CBX5: variants seen among roughly 807,000 people sequenced by gnomAD.
CBX5 encodes the protein chromobox 5, also known as chromobox protein homolog 5.
CBX5 carries 7 observed loss-of-function variants against 20.7 expected under a neutral mutation model. The observed-to-expected ratio is 0.34, with a 90% CI of 0.19 to 0.63. The LOEUF is 0.63. CBX5 is among the 30% of genes least tolerant of loss of function. The pLI, the probability that CBX5 is intolerant of heterozygous loss-of-function variation, is 0.75. For missense variants in CBX5, 110 were observed against 224.1 expected (o/e 0.49, Z 3.25); for synonymous variants, 78 against 77.0 (o/e 1.01, Z -0.07).
chr12:54,248,967 G>A (rs1943765180), intron 3 of CBX5, among the ~76,000 whole-genome samples: 2 of 152,274 alleles, frequency 1.3e-5, no homozygotes, highest in South Asian at 4.1e-4. Context: ...TGATGTAAGG[G>A]ACATGTGGGG....
At chr12:54,270,872 C>T (rs970209534) in intron 1 of CBX5, among the ~76,000 whole-genome samples, 2 of 151,902 alleles carry the variant, frequency 1.3e-5, no homozygotes, top group South Asian at 2.1e-4. Flanking sequence ...GGCAACATAA[C>T]GAGACCCTGT....
At chr12:54,273,425 A>T (rs890277682) in intron 1 of CBX5, 14 of 152,230 alleles carry the variant, frequency 9.2e-5, no homozygotes, top group African/African-American at 3.4e-4. Context: ...ACTGGGTGAC[A>T]AAGCGAGACT....
rs1458702410 is a variant in CBX5, at chr12:54,232,445, G to T, written c.*9310C>A. The T allele has an allele frequency of 6.6e-6, 1 of 152,190 alleles. No homozygotes were observed. Among genetic ancestry groups the T allele is most frequent in the African/African-American group, 2.4e-5 (1 of 41,416 alleles). The allele number at this position is 152,190 out of a possible 1,614,324, so 9.4% of individuals were successfully genotyped here. On this transcript the variant is annotated 3_prime_UTR_variant, in exon 5 of 5. Transcript: ENST00000209875. Reference sequence around the variant, plus strand: ...TACAATGCCTCACAACAACACCCCTGTGAGGTAGGTCAGTATTATTAACCC... The same window carrying T: ...TACAATGCCTCACAACAACACCCCTTTGAGGTAGGTCAGTATTATTAACCC...
chr12:54,275,002 C>G (rs566957306), intron 1 of CBX5, among the ~76,000 whole-genome samples: 1 of 152,156 alleles, frequency 6.6e-6, no homozygotes, highest in Non-Finnish European at 1.5e-5. Context: ...ATCTTTGTAC[C>G]CTGATACCAA....
intron 1 of CBX5, among the ~76,000 whole-genome samples, chr12:54,259,939 G>C (rs954825446): frequency 1.3e-5 from 2 of 152,006 alleles, no homozygotes; most frequent in Non-Finnish European, 2.9e-5. Flanking sequence ...TCTACAACAC[G>C]ATCAGTACAA....
At position 54,247,918 on chromosome 12, in the gene CBX5, G is replaced by A. The variant is rs541926505; in HGVS notation, c.325-1703C>T. On this transcript the variant is annotated intron_variant, in intron 3 of 4. Transcript: ENST00000209875. ...TGCAGTGCCACAATCTCAGCTCACT[G>A]CAACCTCTGCCTCCTAGATTCAAGC... is the stretch of plus-strand genomic sequence containing the variant. Among the ~76,000 whole-genome samples the A allele has an allele frequency of 8.7e-5, 13 of 149,722 alleles. No individual in the cohort carries two copies. The Middle Eastern group carries it at 0.017, about 200-fold the overall frequency.
At position 54,239,729 on chromosome 12, in the gene CBX5, T is replaced by G. The variant is rs1943657133; in HGVS notation, c.*2026A>C. 1 of 151,974 alleles carries G rather than the reference T, an allele frequency of 6.6e-6. No homozygotes were observed. The highest frequency in any genetic ancestry group is 1.5e-5 in the Non-Finnish European group (1 of 68,040). The allele number at this position is 151,974 out of a possible 1,614,324, so 9.4% of individuals were successfully genotyped here. A position where few individuals can be genotyped will look rare whatever the true frequency, so the allele number is the denominator to read the frequency against. On this transcript the variant is annotated 3_prime_UTR_variant, in exon 5 of 5. Coordinates refer to ENST00000209875, the MANE Select transcript of CBX5 (RefSeq NM_012117.3). ...AGCTCTTGCCCAATCACATTACCAT[T>G]CAGAAGGATTTTCCTGGCTGACTTA...
At chr12:54,263,778 A>G (rs1353947507) in intron 1 of CBX5, among the ~76,000 whole-genome samples, 4 of 150,132 alleles carry the variant, frequency 2.7e-5, no homozygotes, top group South Asian at 2.1e-4. Context: ...AAAAAAAAAA[A>G]AAAAAGAAAA....
chr12:54,246,982 A>AT (rs1015979435), intron 3 of CBX5, among the ~76,000 whole-genome samples: 2 of 152,002 alleles, frequency 1.3e-5, no homozygotes, highest in African/African-American at 4.8e-5. Flanking sequence ...CTCAATCTTT[A>AT]TTTTTTTAGA....
Position 54,236,476 on chromosome 12 carries a change from G to A in CBX5, c.*5279C>T, listed in dbSNP as rs1943623858. 1 of 152,170 alleles carries A rather than the reference G, an allele frequency of 6.6e-6. No individual in the cohort carries two copies. Among genetic ancestry groups the A allele is most frequent in the African/African-American group, 2.4e-5 (1 of 41,438 alleles). 9.4% of individuals were successfully genotyped at this position (152,170 alleles called of 1,614,324 possible). On this transcript the variant is annotated 3_prime_UTR_variant, in exon 5 of 5. Coordinates refer to ENST00000209875, the MANE Select transcript of CBX5 (RefSeq NM_012117.3). ...TCTAATTCAGAACATGTTTTTGGGT[G>A]TAAGGCTAGTATCATCTACTTTTGA...
intron 1 of CBX5, chr12:54,276,810 C>T (rs1388436277): frequency 6.6e-6 from 1 of 152,110 alleles, no homozygotes; most frequent in African/African-American, 2.4e-5. Flanking sequence ...AATGTGTGTA[C>T]AGGATTAGTG....
intron 4 of CBX5, among the ~76,000 whole-genome samples, chr12:54,243,791 C>T (rs1943703909): frequency 6.6e-6 from 1 of 151,646 alleles, no homozygotes. Flanking sequence ...ACTGCTTGAA[C>T]CTGGGAGGCG....
chr12:54,262,535 C>T (rs925901458), intron 1 of CBX5: 1 of 152,972 alleles, frequency 6.5e-6, no homozygotes, highest in African/African-American at 2.4e-5. Context: ...TAGACAGTCA[C>T]AGATCAGAAG....
intron 1 of CBX5, chr12:54,278,924 A>C (rs1944098313): frequency 6.6e-6 from 1 of 152,260 alleles, no homozygotes; most frequent in African/African-American, 2.4e-5. Context: ...CTAAAATAAA[A>C]GCACTGGGCA....
chr12:54,247,839 A>AATTT (rs1943752196), intron 3 of CBX5, among the ~76,000 whole-genome samples: 1 of 149,368 alleles, frequency 6.7e-6, no homozygotes, highest in African/African-American at 2.5e-5. Context: ...ACCCCTGGCT[A>AATTT]ATTTTTTTTT....
At chr12:54,253,727 C>CAAA (rs58403125) in intron 2 of CBX5, among the ~76,000 whole-genome samples, 6 of 70,872 alleles carry the variant, frequency 8.5e-5, no homozygotes, top group East Asian at 4.4e-4. Context: ...GATACCATCT[C>CAAA]AAAAAAAAAA....
At position 54,240,077 on chromosome 12, in the gene CBX5, T is replaced by C. The variant is rs1218965221; in HGVS notation, c.*1678A>G. ...GCCTCATGGCTGGTGCGCTCTAGAATTAAGGCTATATTAAGCATTTATTCT... is the reference window on the plus strand; with the variant it reads ...GCCTCATGGCTGGTGCGCTCTAGAACTAAGGCTATATTAAGCATTTATTCT... On this transcript the variant is annotated 3_prime_UTR_variant, in exon 5 of 5. Transcript: ENST00000209875. 1 of 152,206 alleles carries C rather than the reference T, an allele frequency of 6.6e-6. No individual in the cohort carries two copies. Among genetic ancestry groups the C allele is most frequent in the Non-Finnish European group, 1.5e-5 (1 of 68,038 alleles). 9.4% of individuals were successfully genotyped at this position (152,206 alleles called of 1,614,324 possible).
intron 1 of CBX5, among the ~76,000 whole-genome samples, chr12:54,260,492 C>A (rs1171914784): frequency 6.7e-6 from 1 of 148,378 alleles, no homozygotes; most frequent in Non-Finnish European, 1.5e-5. Context: ...GAGACTGTCT[C>A]GAAAAAATAA....
intron 2 of CBX5, 70 bp downstream of exon 2, chr12:54,257,444 T>C: frequency 6.6e-7 from 1 of 1,518,404 alleles, no homozygotes; most frequent in Non-Finnish European, 9.0e-7. Flanking sequence ...TGCTTGTGAT[T>C]CCTAAGGAAG....
Sources: allele counts gnomAD v4.1 joint callset (sites outside exome capture counted in the v4.1 genomes callset), GRCh38; gene constraint gnomAD v4.1.1; transcripts MANE v1.5; gene names NCBI Gene and HGNC (gene_info 2026-07-23, HGNC 2026-07-21).